The following WDR33 variants were observed in gnomAD, a reference collection of about 807,000 sequenced individuals.
WDR33 encodes WD repeat domain 33.
Under a neutral mutation model 164.9 loss-of-function variants are expected in WDR33, and 47 were observed. The observed-to-expected ratio is 0.29, with a 90% confidence interval of 0.23 to 0.36. WDR33 has a LOEUF of 0.36. WDR33 is among the 10% of genes least tolerant of loss of function. The pLI is 1.00. For missense variants in WDR33, 1,137 were observed against 1,754.1 expected (o/e 0.65, Z 6.28); for synonymous variants, 505 against 589.0 (o/e 0.86, Z 2.06).
In WDR33 at chr2:127,721,691, A is replaced by G; in HGVS notation, c.1671+145T>C. 1.3e-6 allele frequency: 1 copy of G among 777,600 alleles called. No homozygotes were observed. The highest frequency in any genetic ancestry group is 1.9e-6 in the Non-Finnish European group (1 of 515,730). 48.2% of individuals were successfully genotyped at this position (777,600 alleles called of 1,614,324 possible). The stretch of plus-strand genomic sequence containing the variant: ...AAGAAACAGGATTCTTTTGGAAACT[A>G]GTCTTCTAGCATAGCAACAGGAAAT... On this transcript the variant is annotated intron_variant, in intron 15 of 21. Transcript: ENST00000322313. This position sits in a 1 kb window ranked among gnomAD's most constrained non-coding sequence, Gnocchi z 4.9.
At chr2:127,752,962 T>C (rs1687415992) in intron 7 of WDR33, among the ~76,000 whole-genome samples, 1 of 152,242 alleles carries the variant, frequency 6.6e-6, no homozygotes, top group South Asian at 2.1e-4. Context: ...TTGCTCTTGT[T>C]GCCCAGGCTG....
At chr2:127,785,486 C>T (rs1486948981) in intron 1 of WDR33, among the ~76,000 whole-genome samples, 1 of 152,194 alleles carries the variant, frequency 6.6e-6, no homozygotes, top group African/African-American at 2.4e-5. Flanking sequence ...CCTTCCCTCC[C>T]CCAAGCTCCT....
At position 127,723,660 on chromosome 2, in the gene WDR33, A is replaced by T. The variant is rs530351011; in HGVS notation, c.1197-313T>A. 1.2e-3 allele frequency among the ~76,000 whole-genome samples: 179 copies of T among 151,852 alleles called. No homozygotes were observed. The highest frequency in any genetic ancestry group is 4.1e-3 in the African/African-American group (170 of 41,428). On this transcript the variant is annotated intron_variant, in intron 11 of 21. Transcript: ENST00000322313. The surrounding 1 kb of genome is among the most constrained non-coding windows in gnomAD (Gnocchi z 5.9). ...CCTGTAGTCTCAGCTACTCACGAGGATAAGGCGGGAAGATGGCTTGAGCCC... is the reference window on the plus strand; with the variant it reads ...CCTGTAGTCTCAGCTACTCACGAGGTTAAGGCGGGAAGATGGCTTGAGCCC...
Position 127,706,392 on chromosome 2 carries a change from AC to A in WDR33, c.3941del (p.Gly1314ValfsTer6). On this transcript the variant is annotated frameshift_variant, in exon 22 of 22. Transcript: ENST00000322313. LOFTEE classifies it high-confidence loss of function. This position sits in a 1 kb window ranked among gnomAD's most constrained non-coding sequence, Gnocchi z 5.1. ...GGCCAGAGTTCATGTTACTCCCTCTACCCCAGTTACTGCCACTCCGGCCCCC... is the reference window on the plus strand; with the variant it reads ...GGCCAGAGTTCATGTTACTCCCTCTACCCAGTTACTGCCACTCCGGCCCCC... The part of the protein sequence containing the change: ...SRGGRSGSNW[G>X]RGSNMNSGPP... 1 of 1,612,044 alleles carries A rather than the reference AC, an allele frequency of 6.2e-7. No homozygotes were observed. The highest frequency in any genetic ancestry group is 8.5e-7 in the Non-Finnish European group (1 of 1,179,242).
At chr2:127,725,753 T>TAAA (rs920270957) in intron 8 of WDR33, among the ~76,000 whole-genome samples, 1 of 143,104 alleles carries the variant, frequency 7.0e-6, no homozygotes, top group African/African-American at 2.8e-5. Flanking sequence ...ATAATAATAA[T>TAAA]AATAATAATA....
intron 1 of WDR33, among the ~76,000 whole-genome samples, chr2:127,800,853 A>G (rs190921183): frequency 4.6e-5 from 7 of 152,282 alleles, no homozygotes; most frequent in Admixed American, 4.6e-4. Flanking sequence ...ACAAAAAATA[A>G]TTGTGTACAC....
At position 127,726,041 on chromosome 2, in the gene WDR33, G is replaced by A. The variant is rs920322326; in HGVS notation, c.851+610C>T. ...ATTCCAGGTTGGCATGGTCATTGGG[G>A]TTGTACAACAAAGCAGCCTTGCTCC... On this transcript the variant is annotated intron_variant, in intron 8 of 21. Transcript: ENST00000322313. This position sits in a 1 kb window ranked among gnomAD's most constrained non-coding sequence, Gnocchi z 4.8. Among the ~76,000 whole-genome samples the A allele has an allele frequency of 6.6e-6, 1 of 152,116 alleles. No individual in the cohort carries two copies. The highest frequency in any genetic ancestry group is 2.4e-5 in the African/African-American group (1 of 41,428).
intron 7 of WDR33, chr2:127,736,198 C>CTGA: frequency 1.0e-6 from 1 of 985,338 alleles, no homozygotes. Flanking sequence ...TGCCAGAAGG[C>CTGA]TGATTTTGGA....
Position 127,764,735 on chromosome 2 carries a change from CAG to C in WDR33, c.626+91_626+92del, listed in dbSNP as rs1558943603. ...GTGCAGAAAGTTTCCCAGAAACTGACAGAGCCCATGCATCTCTGCACCCAGAA... is the reference window on the plus strand; with the variant it reads ...GTGCAGAAAGTTTCCCAGAAACTGACAGCCCATGCATCTCTGCACCCAGAA... On this transcript the variant is annotated intron_variant, in intron 6 of 21. Coordinates refer to ENST00000322313, the MANE Select transcript of WDR33 (RefSeq NM_018383.5). This position sits in a 1 kb window ranked among gnomAD's most constrained non-coding sequence, Gnocchi z 6.2. 6.8e-6 allele frequency: 11 copies of C among 1,614,116 alleles called. No homozygotes were observed. The highest frequency in any genetic ancestry group is 8.5e-6 in the Non-Finnish European group (10 of 1,180,004).
intron 1 of WDR33, among the ~76,000 whole-genome samples, chr2:127,798,658 A>ATACCATCTTAACAGTTTGATATTTCCC (rs1171416724): frequency 3.3e-5 from 5 of 152,038 alleles, no homozygotes; most frequent in Admixed American, 6.6e-5. Context: ...CTTATGACAC[A>ATACCATCTTAACAGTTTGATATTTCCC]TACCATCTTA....
At chr2:127,756,398 A>C (rs1027754839) in intron 7 of WDR33, among the ~76,000 whole-genome samples, 2 of 151,712 alleles carry the variant, frequency 1.3e-5, no homozygotes, top group African/African-American at 2.4e-5. Context: ...AACCAAACCC[A>C]GTATTTGTTC....
In WDR33 at chr2:127,711,772, A is replaced by ATTTTTTTTT. The variant is rs1419760091; in HGVS notation, c.3308+1810_3308+1811insAAAAAAAAA. 2.0e-3 allele frequency among the ~76,000 whole-genome samples: 178 copies of ATTTTTTTTT among 87,694 alleles called. 12 individuals are homozygous for ATTTTTTTTT. Among genetic ancestry groups the ATTTTTTTTT allele is most frequent in the African/African-American group, 6.5e-3 (105 of 16,254 alleles). The allele number at this position is 87,694 out of a possible 152,430, so 57.5% of individuals were successfully genotyped here. On this transcript the variant is annotated intron_variant, in intron 18 of 21. Transcript: ENST00000322313. ...TACAGATATATATATATATATATAT[A>ATTTTTTTTT]TATATATATTTTTTTTTTGAGACAG...
Position 127,764,295 on chromosome 2 carries a change from A to G in WDR33, c.626+533T>C. ...TACAGCTGCAAAGCTTGAAGAACCCATTCATTACTCCGTTAATGTTTGCCA... is the reference window on the plus strand; with the variant it reads ...TACAGCTGCAAAGCTTGAAGAACCCGTTCATTACTCCGTTAATGTTTGCCA... On this transcript the variant is annotated intron_variant, in intron 6 of 21. Coordinates refer to ENST00000322313, the MANE Select transcript of WDR33 (RefSeq NM_018383.5). The surrounding 1 kb of genome is among the most constrained non-coding windows in gnomAD (Gnocchi z 6.2). 7.7e-7 allele frequency: 1 copy of G among 1,295,394 alleles called. No individual in the cohort carries two copies. Among genetic ancestry groups the G allele is most frequent in the South Asian group, 2.4e-5 (1 of 41,958 alleles). The allele number at this position is 1,295,394 out of a possible 1,614,324, so 80.2% of individuals were successfully genotyped here.
chr2:127,750,070 C>T (rs1687276656), intron 7 of WDR33, among the ~76,000 whole-genome samples: 1 of 152,090 alleles, frequency 6.6e-6, no homozygotes, highest in African/African-American at 2.4e-5. Context: ...GCCACCCAGG[C>T]TTGAGTGCAG....
In WDR33 at chr2:127,717,881, G is replaced by A. The variant is rs542368918; in HGVS notation, c.2761-618C>T. 6.6e-6 allele frequency among the ~76,000 whole-genome samples: 1 copy of A among 152,116 alleles called. No individual in the cohort carries two copies. The highest frequency in any genetic ancestry group is 1.5e-5 in the Non-Finnish European group (1 of 68,010). On this transcript the variant is annotated intron_variant, in intron 16 of 21. Transcript: ENST00000322313. This position sits in a 1 kb window ranked among gnomAD's most constrained non-coding sequence, Gnocchi z 5.6. The stretch of plus-strand genomic sequence containing the variant: ...TTTCAGTTATAACACAGTAGCTAAA[G>A]TCCATTATTTTTTTAATCCTCCAAA...
rs765134996 is a variant in WDR33 at position 127,709,870 on chromosome 2, A to C, written c.3309-14T>G. 1.9e-6 allele frequency: 3 copies of C among 1,612,834 alleles called. No individual in the cohort carries two copies. In the South Asian group the frequency reaches 3.3e-5, roughly 18 times the overall value. ...CCTCTTCTGAAACTGTAAAGAGAAA[A>C]CAGCAGAATGTCCATCTCAGAGAAC... On this transcript the variant is annotated splice_polypyrimidine_tract_variant and intron_variant, in intron 18 of 21. Transcript: ENST00000322313. The surrounding 1 kb of genome is among the most constrained non-coding windows in gnomAD (Gnocchi z 5.0).
At position 127,718,761 on chromosome 2, in the gene WDR33, G is replaced by C. The variant is rs924323505; in HGVS notation, c.2760+504C>G. Among the ~76,000 whole-genome samples the C allele has an allele frequency of 3.3e-5, 5 of 152,202 alleles. No individual in the cohort carries two copies. Among genetic ancestry groups the C allele is most frequent in the Admixed American group, 6.5e-5 (1 of 15,282 alleles). ...ACTGTAATAAACAGAGTGAGGTACAGAGTCTATAGTATACTCATGAGTTAA... is the reference window on the plus strand; with the variant it reads ...ACTGTAATAAACAGAGTGAGGTACACAGTCTATAGTATACTCATGAGTTAA... On this transcript the variant is annotated intron_variant, in intron 16 of 21. Transcript: ENST00000322313. This position sits in a 1 kb window ranked among gnomAD's most constrained non-coding sequence, Gnocchi z 4.4.
At chr2:127,752,522 G>A (rs927463821) in intron 7 of WDR33, among the ~76,000 whole-genome samples, 2 of 150,788 alleles carry the variant, frequency 1.3e-5, no homozygotes, top group Admixed American at 1.3e-4. Context: ...CCCGGGAAGC[G>A]GAGCTTGCAG....
At chr2:127,758,032 A>T (rs561053212) in intron 7 of WDR33, among the ~76,000 whole-genome samples, 10 of 152,310 alleles carry the variant, frequency 6.6e-5, no homozygotes, top group African/African-American at 2.4e-4. Flanking sequence ...GAAAACTAAA[A>T]ACTCCTGCGT....
Sources: allele counts gnomAD v4.1 joint callset (sites outside exome capture counted in the v4.1 genomes callset), GRCh38; gene constraint gnomAD v4.1.1; non-coding constraint Gnocchi (gnomAD v3.1); transcripts MANE v1.5; gene names NCBI Gene and HGNC (gene_info 2026-07-23, HGNC 2026-07-21).